TNKS: variants seen among roughly 807,000 people sequenced by gnomAD.
TNKS encodes poly [ADP-ribose] polymerase tankyrase-1.
TNKS carries 72 observed loss-of-function variants against 135.8 expected under a neutral mutation model. That is an observed-to-expected ratio of 0.53 (90% CI 0.44 to 0.64). The LOEUF (loss-of-function observed/expected upper bound fraction) is 0.64. Ranked by LOEUF, TNKS falls within the 30% of genes least tolerant of loss-of-function variation. The pLI is 0.00. For synonymous variants in TNKS, 849 were observed against 649.3 expected, an observed-to-expected ratio of 1.31 and a Z score of -4.68; for missense variants, 1,769 against 1,674.0, an observed-to-expected ratio of 1.06 and a Z score of -0.99.
chr8:9,668,200 A>G (rs1004368973), intron 3 of TNKS, among the ~76,000 whole-genome samples: 1 of 152,206 alleles, frequency 6.6e-6, no homozygotes, highest in African/African-American at 2.4e-5. Flanking sequence ...GCTTTCGGAG[A>G]TTTACCATTG....
intron 20 of TNKS, among the ~76,000 whole-genome samples, chr8:9,759,900 A>G (rs1807050807): frequency 6.6e-6 from 1 of 151,952 alleles, no homozygotes; most frequent in Admixed American, 6.5e-5. Flanking sequence ...GCGTGAACCC[A>G]GGAGGCGGAG....
intron 1 of TNKS, among the ~76,000 whole-genome samples, chr8:9,577,270 C>G (rs935328137): frequency 6.6e-6 from 1 of 151,790 alleles, no homozygotes; most frequent in African/African-American, 2.4e-5. Flanking sequence ...AGGCATTTAT[C>G]TTAAATGAAT....
intron 20 of TNKS, among the ~76,000 whole-genome samples, chr8:9,760,137 A>C (rs1419267628): frequency 6.6e-6 from 1 of 152,250 alleles, no homozygotes; most frequent in Non-Finnish European, 1.5e-5. Flanking sequence ...AATTATATTA[A>C]AATCATGTCT....
intron 3 of TNKS, among the ~76,000 whole-genome samples, chr8:9,662,634 C>T (rs887318711): frequency 4.6e-5 from 7 of 152,172 alleles, no homozygotes; most frequent in Non-Finnish European, 8.8e-5. Flanking sequence ...TTAGGAGATA[C>T]ACCTAATGCT....
In TNKS at chr8:9,769,822, G is replaced by A. The variant is rs189290091; in HGVS notation, c.3741-284G>A. On this transcript the variant is annotated intron_variant, in intron 25 of 26. Transcript: ENST00000310430. Reference sequence around the variant, plus strand: ...TTTTAGTAGAGACGAGGTTTTTACCGTGTTAGCCAGGATGGTCTTGATCTC... The same window carrying A: ...TTTTAGTAGAGACGAGGTTTTTACCATGTTAGCCAGGATGGTCTTGATCTC... Among the ~76,000 whole-genome samples the A allele has an allele frequency of 7.4e-4, 113 of 151,746 alleles. 1 individual carries two copies. The highest frequency in any genetic ancestry group is 2.5e-3 in the African/African-American group (104 of 41,432).
In TNKS at chr8:9,726,041, C is replaced by T. The variant is rs866950324; in HGVS notation, c.1922-600C>T. Among the ~76,000 whole-genome samples the T allele has an allele frequency of 1.1e-4, 17 of 152,210 alleles. 1 individual carries two copies. In the Middle Eastern group the frequency reaches 0.017, roughly 152 times the overall value. On this transcript the variant is annotated intron_variant, in intron 12 of 26. Transcript: ENST00000310430. The stretch of plus-strand genomic sequence containing the variant: ...CTGTATTTAGTAGCCCTTTTCTGTT[C>T]ACTGATTATACTTCACAAGATGATT...
chr8:9,712,022 T>C (rs1241411348), intron 11 of TNKS, among the ~76,000 whole-genome samples: 1 of 152,228 alleles, frequency 6.6e-6, no homozygotes, highest in Non-Finnish European at 1.5e-5. Flanking sequence ...GGAATTTTAC[T>C]ACAGAATTTC....
At chr8:9,570,872 G>C (rs910097047) in intron 1 of TNKS, among the ~76,000 whole-genome samples, 7 of 152,156 alleles carry the variant, frequency 4.6e-5, no homozygotes, top group African/African-American at 1.4e-4. Flanking sequence ...GAGAGGCTGA[G>C]GTGGGAGAAT....
Position 9,734,872 on chromosome 8 carries a change from C to G in TNKS, c.2321C>G (p.Ala774Gly), listed in dbSNP as rs1353371370. The change falls in exon 16 of 27, where the codon GCA becomes GGA. Residue 774 changes from alanine (A) to glycine (G), a missense_variant. Physicochemically the swap from Ala to Gly is moderately conservative, Grantham distance 60. Coordinates refer to ENST00000310430, the MANE Select transcript of TNKS (RefSeq NM_003747.3). The part of the protein sequence containing the change: ...EICKLLLKHG[A>G]DPTKKNRDGN... ...GGTTTTTCTTCTTTGTAGCATGGAG[C>G]AGATCCAACTAAAAAGAACAGAGAT... 2.5e-6 allele frequency: 4 copies of G among 1,613,396 alleles called. No individual in the cohort carries two copies. In the African/African-American group the frequency reaches 4.0e-5, roughly 16 times the overall value.
chr8:9,602,876 G>A (rs1799069469), intron 2 of TNKS, among the ~76,000 whole-genome samples: 6 of 152,008 alleles, frequency 3.9e-5, no homozygotes, highest in Admixed American at 3.3e-4. Flanking sequence ...GCTATCTGTT[G>A]TATATTTTAT....
intron 11 of TNKS, among the ~76,000 whole-genome samples, chr8:9,719,139 C>G (rs1012993164): frequency 2.0e-5 from 3 of 152,096 alleles, no homozygotes; most frequent in African/African-American, 7.2e-5. Flanking sequence ...TTTCTTCTGG[C>G]AAATGTGATA....
chr8:9,664,602 A>G (rs1429671066), intron 3 of TNKS, among the ~76,000 whole-genome samples: 1 of 152,230 alleles, frequency 6.6e-6, no homozygotes, highest in Non-Finnish European at 1.5e-5. Flanking sequence ...GTGCCAGGAA[A>G]GGAAGACCAA....
chr8:9,635,203 T>C (rs1320781755), intron 3 of TNKS, among the ~76,000 whole-genome samples: 2 of 149,406 alleles, frequency 1.3e-5, no homozygotes, highest in South Asian at 2.1e-4. Flanking sequence ...AATGAACTGC[T>C]CAAAGAAATA....
At chr8:9,698,256 G>A (rs1803613618) in intron 5 of TNKS, among the ~76,000 whole-genome samples, 1 of 151,556 alleles carries the variant, frequency 6.6e-6, no homozygotes, top group Admixed American at 6.6e-5. Flanking sequence ...ACTAGAGCGG[G>A]CAGCACAGGT....
At chr8:9,580,464 GA>G in intron 2 of TNKS, 81 bp downstream of exon 2, 1 of 1,263,518 alleles carries the variant, frequency 7.9e-7, no homozygotes, top group Admixed American at 2.1e-5. Context: ...TGTTTCCTGA[GA>G]ATAGGTAAGG....
intron 17 of TNKS, among the ~76,000 whole-genome samples, chr8:9,747,752 T>A (rs1222025484): frequency 6.6e-6 from 1 of 152,200 alleles, no homozygotes; most frequent in Non-Finnish European, 1.5e-5. Context: ...AAGTTGAATA[T>A]ATTAGAGGGA....
At chr8:9,607,344 G>T (rs1292630144) in intron 2 of TNKS, among the ~76,000 whole-genome samples, 1 of 151,464 alleles carries the variant, frequency 6.6e-6, no homozygotes, top group Non-Finnish European at 1.5e-5. Flanking sequence ...GGCTTTTTGG[G>T]GTTGAAATAT....
At chr8:9,615,427 C>A in intron 2 of TNKS, 155 bp from the exon 3 acceptor site, 1 of 525,818 alleles carries the variant, frequency 1.9e-6, no homozygotes, top group Non-Finnish European at 3.3e-6. Context: ...GGCTCCTTTG[C>A]TGCAGTGCTT....
chr8:9,755,412 A>G (rs1344366680), intron 20 of TNKS, among the ~76,000 whole-genome samples: 1 of 152,170 alleles, frequency 6.6e-6, no homozygotes, highest in Non-Finnish European at 1.5e-5. Context: ...ATTGCATTTA[A>G]TGTATATTAC....
Sources: allele counts gnomAD v4.1 joint callset (sites outside exome capture counted in the v4.1 genomes callset), GRCh38; gene constraint gnomAD v4.1.1; transcripts MANE v1.5; gene names NCBI Gene and HGNC (gene_info 2026-07-23, HGNC 2026-07-21).